The following TENM2 variants were observed in gnomAD, a reference collection of about 807,000 sequenced individuals.
The protein encoded by TENM2 is teneurin-2.
A neutral mutation model predicts 245.2 loss-of-function variants in TENM2; 52 were observed. The ratio of observed to expected loss-of-function variants is 0.21; its 90% CI spans 0.17 to 0.27. The LOEUF (loss-of-function observed/expected upper bound fraction) is 0.27. Among genes scored for constraint, TENM2 ranks in the 10% least tolerant of loss-of-function variants. The probability of loss-of-function intolerance (pLI) is 1.00; values close to 1 mark genes in which losing one functional copy is unlikely to be tolerated. For synonymous variants in TENM2, 1,363 were observed against 1,438.9 expected (o/e 0.95, Z 1.19); for missense variants, 3,046 against 3,666.8 (o/e 0.83, Z 4.37).
chr5:167,660,228 C>T (rs1755111948), intron 2 of TENM2: 2 of 151,910 alleles, frequency 1.3e-5, no homozygotes, highest in Non-Finnish European at 2.9e-5. Context: ...TTTGGGAGGT[C>T]GAGGCTGGCA....
At chr5:167,832,981 CAAAAT>C (rs1768641100) in intron 2 of TENM2, among the ~76,000 whole-genome samples, 2 of 152,026 alleles carry the variant, frequency 1.3e-5, no homozygotes, top group South Asian at 4.1e-4. Context: ...TGGACACCCA[CAAAAT>C]CATTCAGAGT....
intron 3 of TENM2, among the ~76,000 whole-genome samples, chr5:167,928,544 A>C (rs1433812703): frequency 6.6e-6 from 1 of 152,142 alleles, no homozygotes; most frequent in Non-Finnish European, 1.5e-5. Context: ...TTACTGAAGG[A>C]GGGCGATATG....
intron 2 of TENM2, among the ~76,000 whole-genome samples, chr5:167,691,850 G>A (rs138322570): frequency 1.3e-5 from 2 of 152,182 alleles, no homozygotes; most frequent in African/African-American, 4.8e-5. Context: ...TGGGGGCATA[G>A]CCCTGGTCCC....
At chr5:168,024,936 T>G (rs1786471937) in intron 5 of TENM2, among the ~76,000 whole-genome samples, 1 of 152,204 alleles carries the variant, frequency 6.6e-6, no homozygotes, top group Non-Finnish European at 1.5e-5. Flanking sequence ...GCAAAGATGA[T>G]GTTACTCTAG....
At chr5:168,113,142 C>T (rs1434946652) in intron 9 of TENM2, among the ~76,000 whole-genome samples, 1 of 151,930 alleles carries the variant, frequency 6.6e-6, no homozygotes, top group African/African-American at 2.4e-5. Context: ...CATAAAGAGA[C>T]CCCGTCTCTA....
chr5:167,229,162 G>A, the TENM2 span, among the ~76,000 whole-genome samples: 5 of 152,190 alleles, frequency 3.3e-5, no homozygotes, highest in Non-Finnish European at 5.9e-5. Context: ...AGTGGTGTCC[G>A]TGATTTTGTT....
At chr5:167,408,865 A>G (rs1198708382) in intron 2 of TENM2, among the ~76,000 whole-genome samples, 1 of 150,396 alleles carries the variant, frequency 6.6e-6, no homozygotes, top group African/African-American at 2.4e-5. Flanking sequence ...AGTATCTTAC[A>G]TATGGCATAG....
chr5:167,137,499 T>C, the TENM2 span, among the ~76,000 whole-genome samples: 1 of 152,162 alleles, frequency 6.6e-6, no homozygotes, highest in Non-Finnish European at 1.5e-5. Context: ...AAACAAAACA[T>C]GGGGAGGCTC....
chr5:167,193,249 C>T, the TENM2 span, among the ~76,000 whole-genome samples: 8 of 152,022 alleles, frequency 5.3e-5, no homozygotes, highest in Non-Finnish European at 1.0e-4. Context: ...TCATTATACA[C>T]GTTTGTTCTT....
At chr5:167,620,395 T>C (rs533417780) in intron 2 of TENM2, among the ~76,000 whole-genome samples, 6 of 152,238 alleles carry the variant, frequency 3.9e-5, no homozygotes, top group Non-Finnish European at 7.4e-5. Context: ...AAAAGCATTT[T>C]AAAAATAAGT....
intron 2 of TENM2, among the ~76,000 whole-genome samples, chr5:167,745,791 G>T (rs1018191295): frequency 1.3e-5 from 2 of 152,120 alleles, no homozygotes; most frequent in Non-Finnish European, 2.9e-5. Context: ...TGGTTTGTAG[G>T]TTCATCTATG....
At chr5:167,579,235 A>G (rs749709529) in intron 2 of TENM2, among the ~76,000 whole-genome samples, 6 of 152,190 alleles carry the variant, frequency 3.9e-5, no homozygotes, top group Non-Finnish European at 7.3e-5. Context: ...AGGCTTAGAA[A>G]TTATTGTCTC....
intron 2 of TENM2, among the ~76,000 whole-genome samples, chr5:167,598,077 A>G (rs1200903002): frequency 6.6e-6 from 1 of 152,336 alleles, no homozygotes; most frequent in Non-Finnish European, 1.5e-5. Flanking sequence ...CCAGTGAAGC[A>G]TGAAGGAGTG....
rs1184407570 is a variant in TENM2 at position 167,693,889 on chromosome 5, G to A, written c.503-182097G>A. Among the ~76,000 whole-genome samples, 3 of 152,168 alleles carry A rather than the reference G, an allele frequency of 2.0e-5. No homozygotes were observed. The East Asian group carries it at 5.8e-4, about 29-fold the overall frequency. On this transcript the variant is annotated intron_variant, in intron 2 of 28. Coordinates refer to ENST00000518659, the Ensembl canonical transcript of TENM2. ...TAATTACTTGGAATATTCCTTACTG[G>A]GTATAAGTGTTCCCCAAAGATTTAG...
intron 5 of TENM2, among the ~76,000 whole-genome samples, chr5:168,001,620 C>T (rs1784428864): frequency 6.6e-6 from 1 of 152,238 alleles, no homozygotes; most frequent in Non-Finnish European, 1.5e-5. Flanking sequence ...CCTCATACAA[C>T]AGAAACCTAA....
the TENM2 span, among the ~76,000 whole-genome samples, chr5:167,184,793 A>C: frequency 7.2e-5 from 11 of 152,126 alleles, no homozygotes; most frequent in Non-Finnish European, 1.6e-4. Flanking sequence ...GCTGATCTCA[A>C]ACTGGCCCAG....
intron 2 of TENM2, among the ~76,000 whole-genome samples, chr5:167,739,438 T>G (rs1761023222): frequency 6.6e-6 from 1 of 152,176 alleles, no homozygotes. Context: ...CTACTTTGTC[T>G]TTTCCTTAGT....
chr5:168,040,155 GGACA>G (rs1454804417), intron 5 of TENM2, among the ~76,000 whole-genome samples: 19 of 152,248 alleles, frequency 1.2e-4, no homozygotes, highest in African/African-American at 4.1e-4. Context: ...ACAAAGGAGG[GGACA>G]GAAAGCCTTG....
chr5:167,240,878 G>A, the TENM2 span, among the ~76,000 whole-genome samples: 1 of 152,136 alleles, frequency 6.6e-6, no homozygotes, highest in Non-Finnish European at 1.5e-5. Context: ...CCATTCTTGA[G>A]CCAATTCCTC....
Sources: gnomAD v4.1 joint callset for allele counts (sites outside exome capture counted in the v4.1 genomes callset) on GRCh38, gnomAD v4.1.1 for gene constraint, MANE v1.5 for transcripts, NCBI Gene and HGNC (gene_info 2026-07-23, HGNC 2026-07-21) for gene names.